The following PRUNE2 variants were observed in gnomAD, a reference collection of about 807,000 sequenced individuals.
PRUNE2 encodes prune homolog 2 with BCH domain.
PRUNE2 carries 164 observed loss-of-function variants against 252.0 expected under a neutral mutation model. The observed-to-expected ratio is 0.65, with a 90% CI of 0.57 to 0.74. The LOEUF is 0.74. Among genes scored for constraint, PRUNE2 ranks in the 30% least tolerant of loss-of-function variants. The pLI is 0.00. For missense variants in PRUNE2, 3,495 were observed against 3,711.0 expected, an observed-to-expected ratio of 0.94 and a Z score of 1.51; for synonymous variants, 1,292 against 1,350.2, an observed-to-expected ratio of 0.96 and a Z score of 0.94.
At chr9:76,834,692 C>T (rs1010688332) in intron 4 of PRUNE2, among the ~76,000 whole-genome samples, 3 of 152,062 alleles carry the variant, frequency 2.0e-5, no homozygotes, top group Non-Finnish European at 4.4e-5. Flanking sequence ...ATGACTATTA[C>T]AAAGGAGATG....
At chr9:76,883,934 G>A (rs2061939889) in intron 1 of PRUNE2, among the ~76,000 whole-genome samples, 1 of 152,160 alleles carries the variant, frequency 6.6e-6, no homozygotes, top group Non-Finnish European at 1.5e-5. Context: ...CAGTATATGA[G>A]ACATGCTTAG....
At chr9:76,677,709 C>G (rs549489518) in intron 9 of PRUNE2, among the ~76,000 whole-genome samples, 1 of 152,174 alleles carries the variant, frequency 6.6e-6, no homozygotes, top group Non-Finnish European at 1.5e-5. Flanking sequence ...CATTCCCACA[C>G]AGTCGCTGCC....
At chr9:76,722,884 C>T (rs956176984) in intron 6 of PRUNE2, among the ~76,000 whole-genome samples, 1 of 152,178 alleles carries the variant, frequency 6.6e-6, no homozygotes, top group African/African-American at 2.4e-5. Context: ...ATGAGAACAT[C>T]CCTCCTCACC....
chr9:76,620,579 A>G (rs1460922951), intron 17 of PRUNE2, among the ~76,000 whole-genome samples: 1 of 152,188 alleles, frequency 6.6e-6, no homozygotes, highest in Non-Finnish European at 1.5e-5. Flanking sequence ...AGGATCCATG[A>G]TGAAGGTCAG....
At chr9:76,644,558 T>G in intron 12 of PRUNE2, 181 bp downstream of exon 12, 1 of 717,536 alleles carries the variant, frequency 1.4e-6, no homozygotes, top group Non-Finnish European at 2.5e-6. Flanking sequence ...CCTAGTAGGA[T>G]TTCAAATGTT....
chr9:76,893,753 A>G (rs772227279), intron 1 of PRUNE2, among the ~76,000 whole-genome samples: 1 of 152,222 alleles, frequency 6.6e-6, no homozygotes, highest in Non-Finnish European at 1.5e-5. Context: ...GAATTTTTCA[A>G]AACATTTTAA....
intron 6 of PRUNE2, among the ~76,000 whole-genome samples, chr9:76,729,227 C>A (rs192434838): frequency 2.2e-3 from 333 of 152,238 alleles, no homozygotes; most frequent in African/African-American, 7.9e-3. Flanking sequence ...AGTCAATGAT[C>A]CTCAAACTTT....
Position 76,707,574 on chromosome 9 carries a change from C to T in PRUNE2, c.4700G>A (p.Gly1567Glu), listed in dbSNP as rs766663861. Reference protein sequence around the residue: ...LSSWGQQPSSGYQEENQGNWS... With the variant: ...LSSWGQQPSSEYQEENQGNWS... ...GTTGCCTTGGTTTTCTTCTTGATAC[C>T]CAGAACTGGGTTGCTGGCCCCAGGA... is the stretch of plus-strand genomic sequence containing the variant. The change falls in exon 8 of 19, where the codon GGG becomes GAG. Residue 1567 changes from glycine to glutamate, a missense_variant. By Grantham distance (98) the Gly-to-Glu change is moderately conservative. Transcript: ENST00000376718. 6.8e-6 allele frequency: 11 copies of T among 1,613,666 alleles called. No individual in the cohort carries two copies. In the Admixed American group the frequency reaches 1.8e-4, roughly 27 times the overall value.
chr9:76,891,977 G>T (rs1452247750), intron 1 of PRUNE2, among the ~76,000 whole-genome samples: 4 of 152,160 alleles, frequency 2.6e-5, no homozygotes, highest in African/African-American at 9.7e-5. Context: ...ACCACACCGA[G>T]CAGAGCAGCA....
rs116742898 is a variant in PRUNE2 at position 76,712,261 on chromosome 9, T to C, written c.916-903A>G. ...ACAAGGTAGGAACTCTTTTTATTCC[T>C]ATTTTACCCATGAAGAAATGAAGAT... On this transcript the variant is annotated intron_variant, in intron 7 of 18. Coordinates refer to ENST00000376718, the MANE Select transcript of PRUNE2 (RefSeq NM_015225.3). 2.0e-3 allele frequency among the ~76,000 whole-genome samples: 297 copies of C among 152,306 alleles called. 2 individuals are homozygous for C. The highest frequency in any genetic ancestry group is 6.8e-3 in the African/African-American group (283 of 41,576).
intron 6 of PRUNE2, among the ~76,000 whole-genome samples, chr9:76,747,026 A>G (rs746944005): frequency 1.3e-5 from 2 of 152,234 alleles, no homozygotes; most frequent in Non-Finnish European, 2.9e-5. Context: ...AAGTTCCAGA[A>G]GCCCAGACTT....
chr9:76,666,916 C>G (rs1387897556), intron 9 of PRUNE2, among the ~76,000 whole-genome samples: 1 of 152,066 alleles, frequency 6.6e-6, no homozygotes, highest in African/African-American at 2.4e-5. Context: ...TGTGGTGGTG[C>G]ATGCCTGTAA....
At chr9:76,826,786 G>T in intron 4 of PRUNE2, 54 bp from the exon 5 acceptor site, 1 of 1,411,540 alleles carries the variant, frequency 7.1e-7, no homozygotes, top group Non-Finnish European at 9.6e-7. Context: ...GCCAGAACAG[G>T]GGCCAAGAAA....
chr9:76,665,567 A>C (rs2039983634), intron 9 of PRUNE2, among the ~76,000 whole-genome samples: 1 of 152,142 alleles, frequency 6.6e-6, no homozygotes, highest in African/African-American at 2.4e-5. Context: ...CTCCACACAC[A>C]CATGAATCTC....
At chr9:76,626,011 A>G (rs1834563244) in intron 16 of PRUNE2, among the ~76,000 whole-genome samples, 1 of 152,222 alleles carries the variant, frequency 6.6e-6, no homozygotes, top group Admixed American at 6.5e-5. Context: ...ACTGTTGGCC[A>G]TGAGTTCAAT....
chr9:76,614,769 T>C (rs1461280164), intron 18 of PRUNE2, among the ~76,000 whole-genome samples, 169 bp from the exon 19 acceptor site: 1 of 152,224 alleles, frequency 6.6e-6, no homozygotes, highest in Non-Finnish European at 1.5e-5. Context: ...AATCCTCCTC[T>C]TGTCAGGCTT....
rs111639645 is a variant in PRUNE2 at position 76,875,638 on chromosome 9, A to T, written c.37-21430T>A. On this transcript the variant is annotated intron_variant, in intron 1 of 18. Transcript: ENST00000376718. ...CTTGGCCTCCCAAAGTGCTGGGATT[A>T]CAACTGTGAGCCACCATGCCCAGCC... Among the ~76,000 whole-genome samples, 183 of 152,352 alleles carry T rather than the reference A, an allele frequency of 1.2e-3. 1 individual carries two copies. Among genetic ancestry groups the T allele is most frequent in the African/African-American group, 4.3e-3 (177 of 41,592 alleles).
chr9:76,901,283 C>T (rs546974097), intron 1 of PRUNE2, among the ~76,000 whole-genome samples: 10 of 152,260 alleles, frequency 6.6e-5, no homozygotes, highest in South Asian at 4.1e-4. Context: ...ATCACATTCA[C>T]GGGAAGTGCT....
chr9:76,848,357 G>A (rs772663110), intron 3 of PRUNE2, among the ~76,000 whole-genome samples: 16 of 152,198 alleles, frequency 1.1e-4, no homozygotes, highest in South Asian at 2.1e-4. Flanking sequence ...TAAACTACCC[G>A]GAACTTTTAG....
Sources: gnomAD v4.1 joint callset for allele counts (sites outside exome capture counted in the v4.1 genomes callset) on GRCh38, gnomAD v4.1.1 for gene constraint, MANE v1.5 for transcripts, NCBI Gene and HGNC (gene_info 2026-07-23, HGNC 2026-07-21) for gene names.